CTNNA2: variants seen among roughly 807,000 people sequenced by gnomAD.
The protein encoded by CTNNA2 is catenin alpha-2.
CTNNA2 carries 42 observed loss-of-function variants against 101.0 expected under a neutral mutation model. That is an observed-to-expected ratio of 0.42 (90% CI 0.32 to 0.54). The LOEUF (loss-of-function observed/expected upper bound fraction) is 0.54, where lower values mean the gene tolerates loss of function less well. Ranked by LOEUF, CTNNA2 falls within the 20% of genes least tolerant of loss-of-function variation. The probability of loss-of-function intolerance (pLI) is 0.14; values close to 1 mark genes in which losing one functional copy is unlikely to be tolerated. For synonymous variants in CTNNA2, 450 were observed against 456.4 expected (o/e 0.99, Z 0.18); for missense variants, 871 against 1,223.1 (o/e 0.71, Z 4.29).
chr2:79,432,964 C>A lies in CTNNA2; in HGVS notation c.-135+58951C>A, dbSNP rs149284371. On this transcript the variant is annotated intron_variant, in intron 4 of 21. Coordinates refer to the CTNNA2 transcript ENST00000466387. ...AAATGGCAAAGTTGGATAAAGACAG[C>A]CTGGGCTGTCCCTGTTTGTCAGCGA... is the stretch of plus-strand genomic sequence containing the variant. 1.4e-3 allele frequency among the ~76,000 whole-genome samples: 211 copies of A among 152,318 alleles called. 2 individuals are homozygous for A. The highest frequency in any genetic ancestry group is 4.7e-3 in the African/African-American group (195 of 41,572).
chr2:80,207,021 C>T (rs1246406623), intron 7 of CTNNA2, among the ~76,000 whole-genome samples: 2 of 152,122 alleles, frequency 1.3e-5, no homozygotes, highest in African/African-American at 4.8e-5. Context: ...CTCATTCCAT[C>T]GTATTCATTT....
chr2:79,215,122 G>T (rs1674233574), intron 2 of CTNNA2, among the ~76,000 whole-genome samples: 2 of 152,146 alleles, frequency 1.3e-5, no homozygotes. Flanking sequence ...CAGTCAGAGC[G>T]CCTTGGGCCA....
intron 1 of CTNNA2, among the ~76,000 whole-genome samples, chr2:79,530,163 A>C (rs1672652221): frequency 6.6e-6 from 1 of 152,178 alleles, no homozygotes; most frequent in South Asian, 2.1e-4. Context: ...TTCCAGCTGC[A>C]TTCTTTATTT....
chr2:80,481,224 G>C (rs576862509), intron 9 of CTNNA2, among the ~76,000 whole-genome samples: 1 of 152,102 alleles, frequency 6.6e-6, no homozygotes, highest in African/African-American at 2.4e-5. Flanking sequence ...CTATTATTTT[G>C]TGCTTCCTTA....
At chr2:80,020,758 A>G (rs1370094343) in intron 7 of CTNNA2, among the ~76,000 whole-genome samples, 5 of 152,152 alleles carry the variant, frequency 3.3e-5, no homozygotes, top group Non-Finnish European at 7.3e-5. Context: ...AATTTGGCAT[A>G]TCCCACCAAT....
In CTNNA2 at chr2:79,254,039, G is replaced by A. The variant is rs923996563; in HGVS notation, c.-406+55963G>A. Among the ~76,000 whole-genome samples, 8 of 152,254 alleles carry A rather than the reference G, an allele frequency of 5.3e-5. No individual in the cohort carries two copies. In the South Asian group the frequency reaches 6.2e-4, roughly 12 times the overall value. On this transcript the variant is annotated intron_variant, in intron 2 of 21. Coordinates refer to the CTNNA2 transcript ENST00000466387. Reference sequence around the variant, plus strand: ...ATTAGAGTTGGCCTCAGATGGAACCGTCTCCCACGGACTTTTTAAGTAAGA... The same window carrying A: ...ATTAGAGTTGGCCTCAGATGGAACCATCTCCCACGGACTTTTTAAGTAAGA...
chr2:79,556,801 A>T (rs1674475451), intron 1 of CTNNA2, among the ~76,000 whole-genome samples: 3 of 151,988 alleles, frequency 2.0e-5, no homozygotes, highest in African/African-American at 4.8e-5. Context: ...GGAGCTGGTA[A>T]AGCAGTGTTT....
chr2:79,548,657 G>T (rs1673892623), intron 1 of CTNNA2, among the ~76,000 whole-genome samples: 3 of 152,270 alleles, frequency 2.0e-5, no homozygotes, highest in South Asian at 4.1e-4. Flanking sequence ...AAGTGAATTT[G>T]GTGAAATCTA....
intron 9 of CTNNA2, among the ~76,000 whole-genome samples, chr2:80,499,751 G>T (rs371704189): frequency 1.3e-5 from 2 of 151,978 alleles, no homozygotes; most frequent in South Asian, 4.1e-4. Context: ...AACCTGCGAG[G>T]CAGAGGCTGC....
intron 8 of CTNNA2, among the ~76,000 whole-genome samples, chr2:80,416,332 A>C (rs1680045402): frequency 6.6e-6 from 1 of 152,188 alleles, no homozygotes; most frequent in Non-Finnish European, 1.5e-5. Flanking sequence ...CATGTTATAC[A>C]CTTTAAATAT....
At chr2:80,539,993 C>T (rs1691405238) in intron 9 of CTNNA2, among the ~76,000 whole-genome samples, 1 of 152,156 alleles carries the variant, frequency 6.6e-6, no homozygotes, top group South Asian at 2.1e-4. Flanking sequence ...ATCCCATAAA[C>T]ATTTCCTGCT....
chr2:80,581,809 A>G lies in CTNNA2; in HGVS notation c.1997A>G (p.Gln666Arg). The part of the protein sequence containing the change: ...QTEDDQLIAG[Q>R]SARAIMAQLP... ...GAGGATGACCAGCTCATTGCAGGGCAGAGCGCACGGGTGAGTGGACACCTA... is the reference window on the plus strand; with the variant it reads ...GAGGATGACCAGCTCATTGCAGGGCGGAGCGCACGGGTGAGTGGACACCTA... The change falls in exon 14 of 19, where the codon CAG becomes CGG. Residue 666 changes from glutamine to arginine, a missense_variant. This residue lies in a region of CTNNA2 where 93 missense variants were observed against 223.7 expected (regional missense o/e 0.42). Coordinates refer to ENST00000402739, the MANE Select transcript of CTNNA2 (RefSeq NM_001282597.3). 1 of 1,604,984 alleles carries G rather than the reference A, an allele frequency of 6.2e-7. No individual in the cohort carries two copies. Among genetic ancestry groups the G allele is most frequent in the Non-Finnish European group, 8.5e-7 (1 of 1,171,974 alleles).
intron 1 of CTNNA2, among the ~76,000 whole-genome samples, chr2:79,529,139 G>T (rs6745583): frequency 0.22 from 33,612 of 152,086 alleles, 4,091 homozygotes; most frequent in Middle Eastern, 0.34. Flanking sequence ...AGGTAGGAAT[G>T]TCAGTGTAAA....
intron 13 of CTNNA2, among the ~76,000 whole-genome samples, chr2:80,578,196 G>A (rs1343211793): frequency 6.6e-6 from 1 of 152,042 alleles, no homozygotes; most frequent in Non-Finnish European, 1.5e-5. Flanking sequence ...AATACTTGGT[G>A]CCATTTTACA....
intron 7 of CTNNA2, among the ~76,000 whole-genome samples, chr2:80,016,725 T>C (rs1014921374): frequency 8.5e-5 from 13 of 152,188 alleles, no homozygotes; most frequent in African/African-American, 2.7e-4. Context: ...TTTTGGTTGG[T>C]TTGTTTTTTA....
intron 3 of CTNNA2, among the ~76,000 whole-genome samples, chr2:79,331,040 T>C (rs1041863860): frequency 1.3e-5 from 2 of 152,204 alleles, no homozygotes; most frequent in East Asian, 1.9e-4. Flanking sequence ...AGTTCTGTTC[T>C]GCATTTTTCA....
chr2:79,880,851 A>G (rs916653645), intron 6 of CTNNA2, among the ~76,000 whole-genome samples: 4 of 151,596 alleles, frequency 2.6e-5, no homozygotes, highest in African/African-American at 9.7e-5. Context: ...TATTTCTTAT[A>G]TTCTGCTAGC....
At chr2:80,197,291 A>G (rs1706902133) in intron 7 of CTNNA2, among the ~76,000 whole-genome samples, 1 of 152,222 alleles carries the variant, frequency 6.6e-6, no homozygotes, top group Non-Finnish European at 1.5e-5. Context: ...CTTGTAGAGT[A>G]GGTTGGTTTG....
At chr2:80,124,937 T>A (rs1702034038) in intron 7 of CTNNA2, among the ~76,000 whole-genome samples, 1 of 151,770 alleles carries the variant, frequency 6.6e-6, no homozygotes, top group African/African-American at 2.4e-5. Context: ...GAGCTGAGAG[T>A]GGAGCAGGGG....
Sources: allele counts gnomAD v4.1 joint callset (sites outside exome capture counted in the v4.1 genomes callset), GRCh38; gene constraint gnomAD v4.1.1; regional missense constraint gnomAD v4.1.1; transcripts MANE v1.5; gene names NCBI Gene and HGNC (gene_info 2026-07-23, HGNC 2026-07-21).